Variants in SPRY3 observed in about 807,000 individuals in gnomAD.
The protein encoded by SPRY3 is protein sprouty homolog 3.
SPRY3 carries 15 observed loss-of-function variants against 20.2 expected under a neutral mutation model. The observed-to-expected ratio is 0.74, with a 90% CI of 0.50 to 1.14. The LOEUF (loss-of-function observed/expected upper bound fraction) is 1.14. SPRY3 is among the 50% of genes most tolerant of loss of function. The pLI is 0.00. For missense variants in SPRY3, 364 were observed against 363.9 expected, an observed-to-expected ratio of 1.00 and a Z score of 0.00; for synonymous variants, 143 against 136.5, an observed-to-expected ratio of 1.05 and a Z score of -0.33.
At chrX:155,753,039 C>A (rs2091270167) in intron 2 of SPRY3, among the ~76,000 whole-genome samples, 1 of 151,852 alleles carries the variant, frequency 6.6e-6, no homozygotes, top group Non-Finnish European at 1.5e-5. Context: ...TAACAGGAGT[C>A]TGTTTGCATG....
intron 2 of SPRY3, among the ~76,000 whole-genome samples, chrX:155,718,580 G>A (rs189053175): frequency 9.2e-5 from 14 of 151,984 alleles, no homozygotes; most frequent in South Asian, 2.1e-4. Flanking sequence ...AATTAACCGG[G>A]CATTTCGAAT....
At chrX:155,715,737 A>T (rs190347093) in intron 2 of SPRY3, among the ~76,000 whole-genome samples, 3 of 152,260 alleles carry the variant, frequency 2.0e-5, no homozygotes, top group Non-Finnish European at 4.4e-5. Flanking sequence ...CCAAGTTCCA[A>T]TTGCTGGGAT....
intron 1 of SPRY3, among the ~76,000 whole-genome samples, chrX:155,634,067 G>A (rs940371881): frequency 5.5e-5 from 6 of 108,633 alleles, no homozygotes; most frequent in Admixed American, 2.9e-4. Context: ...GCGACAGAGC[G>A]AGACTCCATC....
At chrX:155,661,823 A>G (rs782162594) in intron 2 of SPRY3, among the ~76,000 whole-genome samples, 2 of 111,760 alleles carry the variant, frequency 1.8e-5, no homozygotes, top group Admixed American at 9.5e-5. Flanking sequence ...TGTTTAGTCT[A>G]TTGTTAAAGC....
chrX:155,721,768 A>C (rs1408076054), intron 2 of SPRY3, among the ~76,000 whole-genome samples: 1 of 152,168 alleles, frequency 6.6e-6, no homozygotes, highest in African/African-American at 2.4e-5. Flanking sequence ...AAAACTGAGG[A>C]ACTTCATCAA....
intron 2 of SPRY3, among the ~76,000 whole-genome samples, chrX:155,671,141 G>T (rs1557354703): frequency 1.8e-5 from 2 of 112,054 alleles, no homozygotes; most frequent in Admixed American, 1.9e-4. Context: ...TTTTAGAGAT[G>T]ATGAGTAAGT....
At chrX:155,715,402 A>G (rs2091015336) in intron 2 of SPRY3, among the ~76,000 whole-genome samples, 1 of 152,080 alleles carries the variant, frequency 6.6e-6, no homozygotes, top group South Asian at 2.1e-4. Context: ...GGTGCCTCAC[A>G]ACTCTGCCTG....
chrX:155,774,062 G>T lies in SPRY3; in HGVS notation c.191G>T (p.Arg64Leu). 2 of 1,613,796 alleles carry T rather than the reference G, an allele frequency of 1.2e-6. No individual in the cohort carries two copies. The highest frequency in any genetic ancestry group is 1.7e-6 in the Non-Finnish European group (2 of 1,179,850). ...GCTACCATGCCTACTTCTCTCCCCC[G>T]CAGTCTCAGCCAGTGCCATCAACTG... The change falls in exon 4 of 4, where the codon CGC becomes CTC. Residue 64 changes from arginine (R) to leucine (L), a missense_variant. Coordinates refer to ENST00000675360, the Ensembl canonical transcript of SPRY3.
intron 2 of SPRY3, among the ~76,000 whole-genome samples, chrX:155,659,104 C>CTTCTTTCTTTCTTTCTTTCTTTCT (rs199567564): frequency 7.1e-5 from 6 of 83,946 alleles, no homozygotes; most frequent in East Asian, 4.0e-4. Context: ...TTTTTTCTTT[C>CTTCTTTCTTTCTTTCTTTCTTTCT]TTCTTTCTTT....
downstream of SPRY3, chrX:155,780,309 A>T (rs1390513380): frequency 6.0e-6 from 1 of 167,032 alleles, no homozygotes; most frequent in Non-Finnish European, 1.5e-5. Context: ...TGCTGAACAC[A>T]GAAGTGGTAA....
At chrX:155,712,126 G>C (rs1309853578) in intron 2 of SPRY3, among the ~76,000 whole-genome samples, 1 of 151,820 alleles carries the variant, frequency 6.6e-6, no homozygotes, top group Non-Finnish European at 1.5e-5. Flanking sequence ...ATCTATCATT[G>C]TGAATGATTT....
At chrX:155,772,668 A>G (rs1569402139) in intron 3 of SPRY3, among the ~76,000 whole-genome samples, 1 of 151,886 alleles carries the variant, frequency 6.6e-6, no homozygotes, top group Non-Finnish European at 1.5e-5. Context: ...TATTTTCCCC[A>G]TGGTCATCAT....
At chrX:155,775,187 T>A (rs2124021955) in exon 4 of SPRY3, 1 of 197,664 alleles carries the variant, frequency 5.1e-6, no homozygotes, top group Admixed American at 5.3e-5. Context: ...TTCCAGGGAA[T>A]ACGACCCCTT....
At chrX:155,744,350 T>G (rs187204917) in intron 2 of SPRY3, among the ~76,000 whole-genome samples, 1 of 152,140 alleles carries the variant, frequency 6.6e-6, no homozygotes, top group East Asian at 1.9e-4. Context: ...CATGATATCC[T>G]TAGGATCTCC....
Position 155,773,917 on chromosome X carries a change from GA to G in SPRY3, c.48del (p.Glu16AspfsTer64), listed in dbSNP as rs1219838212. On this transcript the variant is annotated frameshift_variant, in exon 4 of 4. Coordinates refer to ENST00000675360, the Ensembl canonical transcript of SPRY3. LOFTEE classifies it high-confidence loss of function. ...TGATTTTCAACAAATTCTGCCTATT[GA>G]ACAGCTGCGCTCTACTCATGCTAGC... The G allele has an allele frequency of 6.2e-7, 1 of 1,613,752 alleles. No individual in the cohort carries two copies. Among genetic ancestry groups the G allele is most frequent in the Non-Finnish European group, 8.5e-7 (1 of 1,179,844 alleles).
intron 2 of SPRY3, among the ~76,000 whole-genome samples, chrX:155,748,590 A>G (rs1288848323): frequency 6.6e-6 from 1 of 151,854 alleles, no homozygotes; most frequent in Non-Finnish European, 1.5e-5. Flanking sequence ...TTCTTCCTCT[A>G]TAAATGATGT....
intron 1 of SPRY3, among the ~76,000 whole-genome samples, chrX:155,643,886 C>T (rs2067949800): frequency 8.9e-6 from 1 of 111,782 alleles, no homozygotes; most frequent in African/African-American, 3.3e-5. Context: ...GATCTTTCTA[C>T]TTAAGATAGG....
intron 2 of SPRY3, among the ~76,000 whole-genome samples, chrX:155,764,365 G>T (rs1319186406): frequency 6.6e-6 from 1 of 152,308 alleles, no homozygotes; most frequent in African/African-American, 2.4e-5. Context: ...AAAAGAAGTT[G>T]TCTGGCAATA....
At chrX:155,755,749 T>C (rs1045998694) in intron 2 of SPRY3, among the ~76,000 whole-genome samples, 1 of 152,124 alleles carries the variant, frequency 6.6e-6, no homozygotes, top group African/African-American at 2.4e-5. Flanking sequence ...CCTTTGGGCA[T>C]CTGCTTTTCC....
Sources: allele counts gnomAD v4.1 joint callset (sites outside exome capture counted in the v4.1 genomes callset), GRCh38; gene constraint gnomAD v4.1.1; transcripts MANE v1.5; gene names NCBI Gene and HGNC (gene_info 2026-07-23, HGNC 2026-07-21).